GPC5: variants seen among roughly 807,000 people sequenced by gnomAD.
The protein encoded by GPC5 is glypican-5.
GPC5 carries 47 observed loss-of-function variants against 53.9 expected under a neutral mutation model. The observed-to-expected ratio is 0.87, with a 90% CI of 0.69 to 1.11. The LOEUF (loss-of-function observed/expected upper bound fraction) is 1.11, where lower values mean the gene tolerates loss of function less well. Ranked by LOEUF, GPC5 falls within the 50% of genes most tolerant of loss-of-function variation. GPC5 has a pLI of 0.00. For synonymous variants in GPC5, 286 were observed against 263.3 expected (o/e 1.09, Z -0.84); for missense variants, 748 against 713.1 (o/e 1.05, Z -0.56).
At chr13:92,346,997 C>A (rs1424122308) in intron 7 of GPC5, among the ~76,000 whole-genome samples, 1 of 151,734 alleles carries the variant, frequency 6.6e-6, no homozygotes, top group Non-Finnish European at 1.5e-5. Flanking sequence ...TCAAAGGAGC[C>A]AAAAGACAAA....
At chr13:92,516,217 T>C (rs1476912920) in intron 7 of GPC5, among the ~76,000 whole-genome samples, 1 of 152,120 alleles carries the variant, frequency 6.6e-6, no homozygotes, top group African/African-American at 2.4e-5. Flanking sequence ...CACTGAGTAC[T>C]GTGGGAGAAC....
chr13:92,467,975 G>T (rs1194912902), intron 7 of GPC5, among the ~76,000 whole-genome samples: 1 of 152,072 alleles, frequency 6.6e-6, no homozygotes, highest in Non-Finnish European at 1.5e-5. Context: ...CTGGACCAAC[G>T]AACTCAGAGT....
At chr13:91,881,067 A>G (rs2039259123) in intron 5 of GPC5, among the ~76,000 whole-genome samples, 1 of 152,200 alleles carries the variant, frequency 6.6e-6, no homozygotes, top group Non-Finnish European at 1.5e-5. Flanking sequence ...CGGGGATTAC[A>G]GGGGTAAGCC....
At chr13:91,618,706 G>C (rs1300381565) in intron 2 of GPC5, among the ~76,000 whole-genome samples, 1 of 151,784 alleles carries the variant, frequency 6.6e-6, no homozygotes, top group African/African-American at 2.4e-5. Flanking sequence ...TTTAAGTTTG[G>C]AAGTTGTTGT....
chr13:91,846,688 T>A (rs971443748), intron 5 of GPC5, among the ~76,000 whole-genome samples: 1 of 152,158 alleles, frequency 6.6e-6, no homozygotes, highest in African/African-American at 2.4e-5. Flanking sequence ...CCTCTGCAAG[T>A]ATTGTCAATG....
chr13:91,688,301 CA>C (rs954282668), intron 2 of GPC5, among the ~76,000 whole-genome samples: 2 of 151,816 alleles, frequency 1.3e-5, no homozygotes, highest in African/African-American at 4.8e-5. Context: ...GTGATTAGGA[CA>C]AAAAAATTCA....
intron 2 of GPC5, among the ~76,000 whole-genome samples, chr13:91,603,202 G>C (rs117153965): frequency 2.0e-5 from 3 of 152,208 alleles, no homozygotes; most frequent in Non-Finnish European, 4.4e-5. Flanking sequence ...TGTTTGAACC[G>C]TTTCTCATCC....
chr13:91,841,670 T>C (rs1301924237), intron 5 of GPC5, among the ~76,000 whole-genome samples: 3 of 152,058 alleles, frequency 2.0e-5, no homozygotes, highest in Non-Finnish European at 4.4e-5. Flanking sequence ...ATTGGTAATT[T>C]AGACTAGCTT....
At chr13:92,849,999 A>C (rs1878738770) in intron 7 of GPC5, among the ~76,000 whole-genome samples, 1 of 152,216 alleles carries the variant, frequency 6.6e-6, no homozygotes, top group African/African-American at 2.4e-5. Context: ...GAGTCATGAC[A>C]AAGATTCAGT....
At chr13:92,627,119 G>A (rs1189358969) in intron 7 of GPC5, among the ~76,000 whole-genome samples, 2 of 152,068 alleles carry the variant, frequency 1.3e-5, no homozygotes, top group Admixed American at 1.3e-4. Context: ...CAAGGAATGT[G>A]GGTAAAATTT....
intron 6 of GPC5, among the ~76,000 whole-genome samples, chr13:92,072,623 G>A (rs1308570632): frequency 2.0e-5 from 3 of 147,592 alleles, no homozygotes; most frequent in Non-Finnish European, 4.4e-5. Context: ...GCCCAGGCTG[G>A]AGTGCACTGG....
At chr13:91,669,911 A>G (rs952380653) in intron 2 of GPC5, among the ~76,000 whole-genome samples, 2 of 152,178 alleles carry the variant, frequency 1.3e-5, no homozygotes, top group African/African-American at 2.4e-5. Context: ...CATTGCTTGA[A>G]TATCTAAATT....
At chr13:92,628,264 C>CTGTTTTTTTTTTTTTTTT (rs1885114961) in intron 7 of GPC5, among the ~76,000 whole-genome samples, 2 of 45,338 alleles carry the variant, frequency 4.4e-5, no homozygotes, top group Non-Finnish European at 8.7e-5. Flanking sequence ...CTTTTTCTTT[C>CTGTTTTTTTTTTTTTTTT]TTTTTTTTTT....
intron 7 of GPC5, among the ~76,000 whole-genome samples, chr13:92,556,443 T>C (rs1424368477): frequency 2.6e-5 from 4 of 151,812 alleles, no homozygotes; most frequent in African/African-American, 9.7e-5. Context: ...TTCTCTTTTT[T>C]AAAGTGTTAT....
chr13:92,633,661 A>C (rs1314189404), intron 7 of GPC5, among the ~76,000 whole-genome samples: 1 of 152,020 alleles, frequency 6.6e-6, no homozygotes, highest in Non-Finnish European at 1.5e-5. Context: ...CAATTTTTCA[A>C]CTTCTTCAAT....
intron 2 of GPC5, among the ~76,000 whole-genome samples, chr13:91,572,693 G>A (rs2031980399): frequency 6.6e-6 from 1 of 151,946 alleles, no homozygotes; most frequent in Non-Finnish European, 1.5e-5. Flanking sequence ...CCATCCACTA[G>A]GCCTCACCTC....
At chr13:92,436,687 A>G (rs1482166088) in intron 7 of GPC5, among the ~76,000 whole-genome samples, 1 of 152,114 alleles carries the variant, frequency 6.6e-6, no homozygotes, top group Non-Finnish European at 1.5e-5. Context: ...CACTCATCAC[A>G]CAAAATTTTT....
rs1457037955 is a variant in GPC5, at chr13:92,592,527, CT to C, written c.1562-273752del. Among the ~76,000 whole-genome samples the C allele has an allele frequency of 7.3e-5, 11 of 151,228 alleles. No homozygotes were observed. In the East Asian group the frequency reaches 2.1e-3, roughly 29 times the overall value. On this transcript the variant is annotated intron_variant, in intron 7 of 7. Transcript: ENST00000377067. ...AAGGACCACAGAAAAATTCTTAACC[CT>C]TTGTGGAGCTTACATTCAAGAAAGA...
At chr13:92,567,572 G>C (rs539070794) in intron 7 of GPC5, among the ~76,000 whole-genome samples, 1 of 152,160 alleles carries the variant, frequency 6.6e-6, no homozygotes, top group South Asian at 2.1e-4. Context: ...TAACCAAAAG[G>C]GGCATTAAAA....
Sources: allele counts gnomAD v4.1 joint callset (sites outside exome capture counted in the v4.1 genomes callset), GRCh38; gene constraint gnomAD v4.1.1; transcripts MANE v1.5; gene names NCBI Gene and HGNC (gene_info 2026-07-23, HGNC 2026-07-21).